ZSWIM4: variants seen among roughly 807,000 people sequenced by gnomAD.
The protein encoded by ZSWIM4 is zinc finger SWIM domain-containing protein 4.
Under a neutral mutation model 102.5 loss-of-function variants are expected in ZSWIM4, and 62 were observed. The observed-to-expected ratio is 0.60, with a 90% confidence interval of 0.49 to 0.75. ZSWIM4 has a LOEUF of 0.75. Ranked by LOEUF, ZSWIM4 falls within the 30% of genes least tolerant of loss-of-function variation. The pLI is 0.00. For synonymous variants in ZSWIM4, 652 were observed against 674.5 expected (o/e 0.97, Z 0.52); for missense variants, 1,280 against 1,529.6 (o/e 0.84, Z 2.72).
intron 9 of ZSWIM4, 88 bp downstream of exon 9, chr19:13,818,064 G>GGCCCCGCCCCA: frequency 7.0e-7 from 1 of 1,421,270 alleles, no homozygotes; most frequent in Non-Finnish European, 9.2e-7. Context: ...CCAGATGGGA[G>GGCCCCGCCCCA]GCCCCGCCCC....
chr19:13,804,965 C>T lies in ZSWIM4; in HGVS notation c.529C>T (p.Arg177Trp). 7 of 1,613,214 alleles carry T rather than the reference C, an allele frequency of 4.3e-6. No individual in the cohort carries two copies. Among genetic ancestry groups the T allele is most frequent in the East Asian group, 2.2e-5 (1 of 44,880 alleles). ...GGTGGCCCTGTCCCTGTACCGCATT[C>T]GGCACGCCCACCAGGTGGAGCTGCG... ...HVVALSLYRIRHAHQVELRLP... is the reference protein window; with the variant it reads ...HVVALSLYRIWHAHQVELRLP... The change falls in exon 3 of 14, where the codon CGG becomes TGG. Residue 177 changes from arginine to tryptophan, a missense_variant. Physicochemically the swap from Arg to Trp is moderately radical, Grantham distance 101 (BLOSUM62 -3). Coordinates refer to ENST00000590508, the MANE Select transcript of ZSWIM4 (RefSeq NM_001367834.3).
At position 13,830,559 on chromosome 19, in the gene ZSWIM4, C is replaced by G; in HGVS notation, c.2830C>G (p.Leu944Val). ...LPLRAYKLAT[L>V]ALAQLSIAFN... is the part of the protein sequence containing the mutation. Reference sequence around the variant, plus strand: ...GCTCCGGGCCTACAAGCTGGCGACGCTGGCCCTGGCGCAGCTCAGCATCGC... The same window carrying G: ...GCTCCGGGCCTACAAGCTGGCGACGGTGGCCCTGGCGCAGCTCAGCATCGC... Residue 944 changes from leucine to valine, a missense_variant, in exon 14 of 14, where the codon CTG (leucine) becomes GTG (valine). By Grantham distance (32) the Leu-to-Val change is conservative (BLOSUM62 1). Transcript: ENST00000590508. 4 of 1,599,640 alleles carry G rather than the reference C, an allele frequency of 2.5e-6. No homozygotes were observed. Among genetic ancestry groups the G allele is most frequent in the Non-Finnish European group, 3.4e-6 (4 of 1,179,616 alleles).
At position 13,825,839 on chromosome 19, in the gene ZSWIM4, G is replaced by A; in HGVS notation, c.2379+126G>A. 1 of 1,283,510 alleles carries A rather than the reference G, an allele frequency of 7.8e-7. No individual in the cohort carries two copies. The highest frequency in any genetic ancestry group is 1.1e-6 in the Non-Finnish European group (1 of 951,646). The allele number at this position is 1,283,510 out of a possible 1,614,324, so 79.5% of individuals were successfully genotyped here. A position where few individuals can be genotyped will look rare whatever the true frequency, so the allele number is the denominator to read the frequency against. The stretch of plus-strand genomic sequence containing the variant: ...CGCTGGGGGCCCGGCATTTGCGTGA[G>A]CTATTCCTCTGTGGCTGGGGACTGA... On this transcript the variant is annotated intron_variant, in intron 12 of 13. Transcript: ENST00000590508. The surrounding 1 kb of genome is among the most constrained non-coding windows in gnomAD (Gnocchi z 4.6).
chr19:13,827,611 AAG>A (rs1975646383), intron 12 of ZSWIM4, among the ~76,000 whole-genome samples: 1 of 151,314 alleles, frequency 6.6e-6, no homozygotes, highest in East Asian at 1.9e-4. Flanking sequence ...AAAAAAAGAA[AAG>A]AAAAAAAAAG....
At chr19:13,805,492 G>A (rs1460497140) in intron 3 of ZSWIM4, among the ~76,000 whole-genome samples, 1 of 152,030 alleles carries the variant, frequency 6.6e-6, no homozygotes, top group Non-Finnish European at 1.5e-5. Context: ...GGGCGTGAAG[G>A]GAATGTGGGA....
At chr19:13,822,153 C>T (rs1368603675) in intron 10 of ZSWIM4, among the ~76,000 whole-genome samples, 2 of 136,966 alleles carry the variant, frequency 1.5e-5, no homozygotes, top group African/African-American at 5.7e-5. Flanking sequence ...CACACAAACA[C>T]ACACACACAT....
chr19:13,816,393 G>A lies in ZSWIM4; in HGVS notation c.1532-823G>A, dbSNP rs545112405. On this transcript the variant is annotated intron_variant, in intron 7 of 13. Coordinates refer to ENST00000590508, the MANE Select transcript of ZSWIM4 (RefSeq NM_001367834.3). ...AATCCCAACACTTTGGGAGGTGGAGGCAGGTGGAGTGCCTGAGGTCAGGAG... is the reference window on the plus strand; with the variant it reads ...AATCCCAACACTTTGGGAGGTGGAGACAGGTGGAGTGCCTGAGGTCAGGAG... 5.9e-5 allele frequency among the ~76,000 whole-genome samples: 9 copies of A among 152,252 alleles called. 1 individual carries two copies. In the East Asian group the frequency reaches 1.7e-3, roughly 29 times the overall value.
At chr19:13,808,687 G>A (rs1292429733) in intron 3 of ZSWIM4, 149 bp from the exon 4 acceptor site, 19 of 833,858 alleles carry the variant, frequency 2.3e-5, no homozygotes, top group Admixed American at 1.2e-4. Flanking sequence ...TGTAGTGAGC[G>A]AAGATCGTGC....
chr19:13,807,695 G>C (rs190280479), intron 3 of ZSWIM4, among the ~76,000 whole-genome samples: 1 of 148,712 alleles, frequency 6.7e-6, no homozygotes, highest in East Asian at 2.0e-4. Context: ...AGCTGGTGGC[G>C]TTTTGGACAA....
intron 1 of ZSWIM4, among the ~76,000 whole-genome samples, chr19:13,798,118 C>CTTTTCTTTTCTTTTCTT (rs1465567758): frequency 6.6e-6 from 1 of 152,074 alleles, no homozygotes; most frequent in Admixed American, 6.6e-5. Context: ...TGTGTGCATT[C>CTTTTCTTTTCTTTTCTT]TTTTCTTTTC....
chr19:13,813,165 G>A lies in ZSWIM4; in HGVS notation c.1180+1G>A, dbSNP rs764708103. 6.2e-7 allele frequency: 1 copy of A among 1,609,362 alleles called. No individual in the cohort carries two copies. Among genetic ancestry groups the A allele is most frequent in the Non-Finnish European group, 8.5e-7 (1 of 1,176,940 alleles). On this transcript the variant is annotated splice_donor_variant, in intron 6 of 13. Transcript: ENST00000590508. LOFTEE classifies it high-confidence loss of function. ...CAGCCCACCATGGCCCCCGCCCCAG[G>A]TAGGAGAGAGGGGTCTTTACCATGC...
intron 1 of ZSWIM4, among the ~76,000 whole-genome samples, chr19:13,797,497 A>G (rs1452193050): frequency 6.6e-6 from 1 of 152,230 alleles, no homozygotes; most frequent in Non-Finnish European, 1.5e-5. Flanking sequence ...AAACAGGTTC[A>G]TGATTTAGTA....
chr19:13,804,666 A>C, intron 2 of ZSWIM4, 126 bp from the exon 3 acceptor site: 1 of 752,044 alleles, frequency 1.3e-6, no homozygotes, highest in Non-Finnish European at 2.1e-6. Context: ...AAAAATGCAA[A>C]GTGAGTGAGG....
chr19:13,815,451 TG>T (rs1975247012), intron 7 of ZSWIM4: 1 of 142,612 alleles, frequency 7.0e-6, no homozygotes, highest in Non-Finnish European at 1.5e-5. Context: ...CCACCGTGCC[TG>T]GAAATTTTTT....
At position 13,809,142 on chromosome 19, in the gene ZSWIM4, C is replaced by G. The variant is rs1448931298; in HGVS notation, c.934C>G (p.Gln312Glu). The G allele has an allele frequency of 6.2e-7, 1 of 1,613,832 alleles. No homozygotes were observed. The highest frequency in any genetic ancestry group is 2.2e-5 in the East Asian group (1 of 44,882). Residue 312 changes from glutamine (Q) to glutamate (E), a missense_variant, in exon 5 of 14, where the codon CAG (glutamine) becomes GAG (glutamate). Transcript: ENST00000590508. This position sits in a 1 kb window ranked among gnomAD's most constrained non-coding sequence, Gnocchi z 4.2. ...GATTCTCATGACCGAGCAGTTCCTG[C>G]AGGACACGCGCCTGGCCCTGTGGCG... ...MLILMTEQFL[Q>E]DTRLALWRQQ...
chr19:13,813,601 T>G, intron 6 of ZSWIM4, among the ~76,000 whole-genome samples: 2 of 147,754 alleles, frequency 1.4e-5, no homozygotes, highest in Non-Finnish European at 1.5e-5. Context: ...CAGAGAGAGA[T>G]TGAGGAGAGA....
At chr19:13,795,881 C>G in intron 1 of ZSWIM4, 80 bp downstream of exon 1, 1 of 964,956 alleles carries the variant, frequency 1.0e-6, no homozygotes, top group East Asian at 4.0e-5. Flanking sequence ...CCCACAATCC[C>G]CAGACTCCAG....
chr19:13,815,785 T>A (rs1258076662), intron 7 of ZSWIM4, among the ~76,000 whole-genome samples: 1 of 151,614 alleles, frequency 6.6e-6, no homozygotes, highest in East Asian at 1.9e-4. Flanking sequence ...AAAATATTTT[T>A]AAAATTAGCC....
At position 13,795,598 on chromosome 19, in the gene ZSWIM4, A is replaced by G; in HGVS notation, c.-51A>G. The G allele has an allele frequency of 3.5e-6, 1 of 285,554 alleles. No individual in the cohort carries two copies. Among genetic ancestry groups the G allele is most frequent in the Non-Finnish European group, 6.2e-6 (1 of 161,782 alleles). The allele number at this position is 285,554 out of a possible 1,614,324, so 17.7% of individuals were successfully genotyped here. On this transcript the variant is annotated 5_prime_UTR_variant, in exon 1 of 14. Transcript: ENST00000590508. ...GCCGGCGAAGCGGAGCGGGCATCGGACCGAGCCCCCCAAAGAGGCCCCGCC... is the reference window on the plus strand; with the variant it reads ...GCCGGCGAAGCGGAGCGGGCATCGGGCCGAGCCCCCCAAAGAGGCCCCGCC...
Sources: gnomAD v4.1 joint callset for allele counts (sites outside exome capture counted in the v4.1 genomes callset) on GRCh38, gnomAD v4.1.1 for gene constraint, Gnocchi (gnomAD v3.1) non-coding constraint, MANE v1.5 for transcripts, NCBI Gene and HGNC (gene_info 2026-07-23, HGNC 2026-07-21) for gene names.